The following SLC13A3 variants were observed in gnomAD, a reference collection of about 807,000 sequenced individuals.
SLC13A3 encodes the protein Na(+)/dicarboxylate cotransporter 3.
In SLC13A3, 40 loss-of-function variants were observed where a neutral mutation model predicts 59.0. The observed-to-expected ratio is 0.68, with a 90% CI of 0.53 to 0.88. SLC13A3 has a LOEUF of 0.88. SLC13A3 is among the 40% of genes least tolerant of loss of function. The probability of loss-of-function intolerance (pLI) is 0.00; values close to 1 mark genes in which losing one functional copy is unlikely to be tolerated. For missense variants in SLC13A3, 699 were observed against 783.2 expected (o/e 0.89, Z 1.28); for synonymous variants, 317 against 330.3 (o/e 0.96, Z 0.44).
Position 46,593,260 on chromosome 20 carries a change from A to C in SLC13A3, c.795-731T>G, listed in dbSNP as rs147843762. ...GGAGAGGAATTTGGTAAAATGCAGT[A>C]AGAGTCTTAAAAATGTGCATATCCT... is the stretch of plus-strand genomic sequence containing the variant. On this transcript the variant is annotated intron_variant, in intron 5 of 12. Coordinates refer to ENST00000279027, the MANE Select transcript of SLC13A3 (RefSeq NM_022829.6). 9.5e-3 allele frequency among the ~76,000 whole-genome samples: 1,450 copies of C among 152,340 alleles called. 24 individuals are homozygous for C. The highest frequency in any genetic ancestry group is 0.033 in the African/African-American group (1,359 of 41,568).
At chr20:46,561,985 A>G (rs2061935816) in intron 12 of SLC13A3, among the ~76,000 whole-genome samples, 1 of 151,812 alleles carries the variant, frequency 6.6e-6, no homozygotes, top group Non-Finnish European at 1.5e-5. Flanking sequence ...TGCCCCTTGT[A>G]CCCCTCCACA....
chr20:46,586,176 A>G (rs896929388), intron 8 of SLC13A3, among the ~76,000 whole-genome samples: 3 of 152,204 alleles, frequency 2.0e-5, no homozygotes, highest in Non-Finnish European at 4.4e-5. Context: ...GGCTCACATT[A>G]TATCTCTCTT....
chr20:46,667,727 T>G (rs1278164967), intron 1 of SLC13A3, among the ~76,000 whole-genome samples: 1 of 152,236 alleles, frequency 6.6e-6, no homozygotes, highest in Non-Finnish European at 1.5e-5. Context: ...AAACGAGAAC[T>G]ATAATGTGTA....
chr20:46,578,649 C>T (rs2062102901), intron 9 of SLC13A3, among the ~76,000 whole-genome samples: 1 of 152,020 alleles, frequency 6.6e-6, no homozygotes. Context: ...GCACTCCAGC[C>T]TGGGCAACAG....
chr20:46,643,511 A>G (rs937427139), intron 1 of SLC13A3, among the ~76,000 whole-genome samples: 2 of 152,192 alleles, frequency 1.3e-5, no homozygotes, highest in African/African-American at 2.4e-5. Flanking sequence ...AAGGAGCAGT[A>G]AGAAAGCCAG....
In SLC13A3 at chr20:46,559,078, C is replaced by A. The variant is rs2061909034; in HGVS notation, c.*944G>T. On this transcript the variant is annotated 3_prime_UTR_variant, in exon 13 of 13. Coordinates refer to ENST00000279027, the MANE Select transcript of SLC13A3 (RefSeq NM_022829.6). ...CTTTTGACTTTTCTCTCACCCCTGA[C>A]AAATGGGGCCTTTGATAATTAAACA... 6.6e-6 allele frequency: 1 copy of A among 152,126 alleles called. No homozygotes were observed. The highest frequency in any genetic ancestry group is 6.5e-5 in the Admixed American group (1 of 15,280). 9.4% of individuals were successfully genotyped at this position (152,126 alleles called of 1,614,324 possible). A position where few individuals can be genotyped will look rare whatever the true frequency, so the allele number is the denominator to read the frequency against.
intron 5 of SLC13A3, among the ~76,000 whole-genome samples, chr20:46,593,257 A>T (rs2122684505): frequency 6.6e-6 from 1 of 152,374 alleles, no homozygotes; most frequent in East Asian, 1.9e-4. Context: ...GGTAAAATGC[A>T]GTAAGAGTCT....
At chr20:46,582,929 C>T in intron 9 of SLC13A3, 1 of 985,370 alleles carries the variant, frequency 1.0e-6, no homozygotes, top group Middle Eastern at 5.2e-4. Context: ...GTTAGAGGTA[C>T]TCAGTGATTT....
chr20:46,619,451 T>C (rs847096), intron 1 of SLC13A3, among the ~76,000 whole-genome samples: 104,641 of 152,138 alleles, frequency 0.69, 37,494 homozygotes, highest in African/African-American at 0.88. Flanking sequence ...ATTTCTCAAC[T>C]TTTGCACTTG....
At chr20:46,589,017 A>G in intron 7 of SLC13A3, 143 bp downstream of exon 7, 1 of 703,516 alleles carries the variant, frequency 1.4e-6, no homozygotes, top group Non-Finnish European at 2.4e-6. Flanking sequence ...ACCACCTCCC[A>G]TCCTCCATCT....
At chr20:46,565,854 C>T (rs1418715307) in intron 11 of SLC13A3, among the ~76,000 whole-genome samples, 2 of 152,158 alleles carry the variant, frequency 1.3e-5, no homozygotes, top group South Asian at 2.1e-4. Context: ...TGTTGAAACC[C>T]CTGCTTTAGA....
At chr20:46,611,161 G>A (rs926993501) in intron 2 of SLC13A3, among the ~76,000 whole-genome samples, 6 of 152,134 alleles carry the variant, frequency 3.9e-5, no homozygotes, top group Admixed American at 2.0e-4. Context: ...AAAGTAAGAT[G>A]TAAATTTTTT....
chr20:46,579,667 A>G (rs1348595059), intron 9 of SLC13A3, among the ~76,000 whole-genome samples: 1 of 152,222 alleles, frequency 6.6e-6, no homozygotes, highest in Admixed American at 6.5e-5. Flanking sequence ...AAGGGCACAC[A>G]TTGGCATTCC....
At chr20:46,663,152 G>A (rs1324209274) in intron 1 of SLC13A3, among the ~76,000 whole-genome samples, 1 of 152,134 alleles carries the variant, frequency 6.6e-6, no homozygotes, top group East Asian at 1.9e-4. Flanking sequence ...AAATAAAAAA[G>A]AATCACCCTA....
chr20:46,610,440 C>T lies in SLC13A3; in HGVS notation c.541+6G>A, dbSNP rs1421209154. The T allele has an allele frequency of 2.5e-6, 4 of 1,609,294 alleles. No homozygotes were observed. The highest frequency in any genetic ancestry group is 3.4e-6 in the Non-Finnish European group (4 of 1,177,726). ...ATTTGGCCCCAATCCCTTAGCACAG[C>T]CTCACCTGTGTTCTCTTCACTCTCC... On this transcript the variant is annotated splice_donor_region_variant and intron_variant, in intron 3 of 12. Coordinates refer to ENST00000279027, the MANE Select transcript of SLC13A3 (RefSeq NM_022829.6).
Position 46,638,379 on chromosome 20 carries a change from A to G in SLC13A3, c.111+12932T>C, listed in dbSNP as rs148504664. On this transcript the variant is annotated intron_variant, in intron 1 of 12. Coordinates refer to ENST00000279027, the MANE Select transcript of SLC13A3 (RefSeq NM_022829.6). ...CCAGAGCCAGCACTTTCAGCTTGTC[A>G]AGAGAGAAAGGTGCAGGAGGCATGG... Among the ~76,000 whole-genome samples the G allele has an allele frequency of 2.5e-3, 378 of 152,314 alleles. 6 individuals are homozygous for G. Among genetic ancestry groups the G allele is most frequent in the Non-Finnish European group, 8.7e-4 (59 of 68,016 alleles).
intron 1 of SLC13A3, among the ~76,000 whole-genome samples, chr20:46,648,657 C>A (rs2062919205): frequency 6.6e-6 from 1 of 152,180 alleles, no homozygotes; most frequent in Non-Finnish European, 1.5e-5. Flanking sequence ...GTAATCCCAG[C>A]ACTTTGCGTA....
At chr20:46,574,254 G>C (rs977730256) in intron 10 of SLC13A3, among the ~76,000 whole-genome samples, 1 of 152,200 alleles carries the variant, frequency 6.6e-6, no homozygotes, top group Non-Finnish European at 1.5e-5. Context: ...TCTGAAATCA[G>C]GGAGAGTTTG....
intron 7 of SLC13A3, 100 bp downstream of exon 7, chr20:46,589,060 C>T: frequency 9.9e-7 from 1 of 1,012,064 alleles, no homozygotes. Flanking sequence ...CTGGAATTCC[C>T]CTGGAGCTCA....
Sources: gnomAD v4.1 joint callset for allele counts (sites outside exome capture counted in the v4.1 genomes callset) on GRCh38, gnomAD v4.1.1 for gene constraint, MANE v1.5 for transcripts, NCBI Gene and HGNC (gene_info 2026-07-23, HGNC 2026-07-21) for gene names.